The following CDH23 variants were observed in gnomAD, a reference collection of about 807,000 sequenced individuals.
The protein encoded by CDH23 is cadherin-23.
CDH23 carries 189 observed loss-of-function variants against 317.1 expected under a neutral mutation model. That is an observed-to-expected ratio of 0.60 (90% confidence interval 0.53 to 0.67). The LOEUF (loss-of-function observed/expected upper bound fraction) is 0.67, where lower values mean the gene tolerates loss of function less well. Among genes scored for constraint, CDH23 ranks in the 30% least tolerant of loss-of-function variants. CDH23 has a pLI of 0.00. For missense variants in CDH23, 4,401 were observed against 4,592.4 expected (o/e 0.96, Z 1.20); for synonymous variants, 1,839 against 1,876.8 (o/e 0.98, Z 0.52).
chr10:71,402,758 C>T (rs72812364), intron 1 of CDH23, among the ~76,000 whole-genome samples: 315 of 150,862 alleles, frequency 2.1e-3, no homozygotes, highest in Admixed American at 4.5e-3. Flanking sequence ...CGCGCGCGCG[C>T]GCACATGCGC....
chr10:71,585,290 G>A (rs905639195), intron 9 of CDH23, among the ~76,000 whole-genome samples: 26 of 152,296 alleles, frequency 1.7e-4, no homozygotes, highest in African/African-American at 6.0e-4. Context: ...ATATTCATAG[G>A]AAAAGCCTGT....
chr10:71,484,096 G>C lies in CDH23; in HGVS notation c.146-25986G>C, dbSNP rs192521236. 2.1e-3 allele frequency among the ~76,000 whole-genome samples: 320 copies of C among 152,320 alleles called. 1 individual carries two copies. The highest frequency in any genetic ancestry group is 7.5e-3 in the African/African-American group (313 of 41,578). Reference sequence around the variant, plus strand: ...GGTCCCAGGGCCTGTATCTGGATGTGGGGGGTGAGGGCTTGAGGCATGGTG... The same window carrying C: ...GGTCCCAGGGCCTGTATCTGGATGTCGGGGGTGAGGGCTTGAGGCATGGTG... On this transcript the variant is annotated intron_variant, in intron 3 of 69. Coordinates refer to ENST00000224721, the MANE Select transcript of CDH23 (RefSeq NM_022124.6).
At chr10:71,694,072 G>C (rs986300934) in intron 20 of CDH23, 75 bp from the exon 21 acceptor site, 1 of 1,145,616 alleles carries the variant, frequency 8.7e-7, no homozygotes, top group African/African-American at 1.5e-5. Flanking sequence ...TCCTTCCCTC[G>C]CTCTCTCTCT....
intron 61 of CDH23, 65 bp from the exon 62 acceptor site, chr10:71,810,407 G>A: frequency 6.9e-7 from 1 of 1,447,190 alleles, no homozygotes. Context: ...TCCTAAAAGA[G>A]GCCTGCCCAT....
intron 41 of CDH23, among the ~76,000 whole-genome samples, chr10:71,783,189 G>T (rs1450260301): frequency 6.6e-6 from 1 of 152,192 alleles, no homozygotes; most frequent in Non-Finnish European, 1.5e-5. Context: ...CTCTTCTGCA[G>T]GCTCTCCCAG....
At chr10:71,644,314 G>A (rs181650075) in intron 12 of CDH23, among the ~76,000 whole-genome samples, 2 of 152,372 alleles carry the variant, frequency 1.3e-5, no homozygotes, top group Non-Finnish European at 2.9e-5. Flanking sequence ...CCAGTAACAG[G>A]GCACAGGCCT....
chr10:71,780,160 G>T (rs1840914767), intron 41 of CDH23, among the ~76,000 whole-genome samples: 1 of 152,170 alleles, frequency 6.6e-6, no homozygotes, highest in South Asian at 2.1e-4. Context: ...GAAACATCCT[G>T]ATTTTTTAAT....
At chr10:71,535,440 T>C (rs934323248) in intron 6 of CDH23, among the ~76,000 whole-genome samples, 3 of 152,206 alleles carry the variant, frequency 2.0e-5, no homozygotes, top group Non-Finnish European at 4.4e-5. Flanking sequence ...TGAGCCTGAC[T>C]TCCAGGCCTA....
chr10:71,533,078 G>T (rs748733092), intron 6 of CDH23, among the ~76,000 whole-genome samples: 1 of 152,182 alleles, frequency 6.6e-6, no homozygotes, highest in Non-Finnish European at 1.5e-5. Flanking sequence ...ATCTGGCACT[G>T]TGGGTGTGAC....
chr10:71,510,127 C>A lies in CDH23; in HGVS notation c.191C>A (p.Pro64His), dbSNP rs1345696999. 1 of 1,614,024 alleles carries A rather than the reference C, an allele frequency of 6.2e-7. No individual in the cohort carries two copies. Among genetic ancestry groups the A allele is most frequent in the Admixed American group, 1.7e-5 (1 of 60,022 alleles). ...CTGGCCCAAGACATGGACAATGACC[C>A]CCTGGTGTTTGGCGTGTCTGGGGAG... Reference protein sequence around the residue: ...QLLAQDMDNDPLVFGVSGEEA... With the variant: ...QLLAQDMDNDHLVFGVSGEEA... The change falls in exon 4 of 70, where the codon CCC becomes CAC. Residue 64 changes from proline (P) to histidine (H), a missense_variant. By Grantham distance (77) the Pro-to-His change is moderately conservative (BLOSUM62 -2). Transcript: ENST00000224721.
At chr10:71,729,204 T>C (rs1866950230) in intron 30 of CDH23, among the ~76,000 whole-genome samples, 1 of 152,228 alleles carries the variant, frequency 6.6e-6, no homozygotes, top group Non-Finnish European at 1.5e-5. Flanking sequence ...GAGAACTTAG[T>C]GCTGGTAAGC....
Position 71,732,001 on chromosome 10 carries a change from GT to G in CDH23, c.3731del (p.Val1244GlyfsTer25), listed in dbSNP as rs745756703. ...TDRDSGDGGL[V>X]NYRILSGAEG... ...TCCTCCTACAGGGGATGGTGGCCTG[GT>G]GAACTACCGCATCCTGTCGGGCGCA... On this transcript the variant is annotated frameshift_variant, in exon 32 of 70. Coordinates refer to ENST00000224721, the MANE Select transcript of CDH23 (RefSeq NM_022124.6). LOFTEE classifies it high-confidence loss of function. The G allele has an allele frequency of 6.2e-7, 1 of 1,613,662 alleles. No homozygotes were observed. The highest frequency in any genetic ancestry group is 2.2e-5 in the East Asian group (1 of 44,854).
intron 28 of CDH23, among the ~76,000 whole-genome samples, chr10:71,722,368 A>G (rs1229772340): frequency 2.0e-5 from 3 of 152,220 alleles, no homozygotes; most frequent in Admixed American, 1.3e-4. Flanking sequence ...TCAAACAGGG[A>G]GCGAGGCACA....
chr10:71,587,733 G>A (rs142137512), intron 9 of CDH23, among the ~76,000 whole-genome samples: 3 of 152,300 alleles, frequency 2.0e-5, no homozygotes, highest in East Asian at 3.9e-4. Flanking sequence ...CCTGAGACGA[G>A]CCCCTCTAAG....
At chr10:71,439,326 T>C (rs1365078769) in intron 1 of CDH23, among the ~76,000 whole-genome samples, 2 of 152,226 alleles carry the variant, frequency 1.3e-5, no homozygotes, top group African/African-American at 2.4e-5. Flanking sequence ...GATATGCTCA[T>C]TGGGCACTGG....
Position 71,688,959 on chromosome 10 carries a change from G to A in CDH23, c.2059+1240G>A, listed in dbSNP as rs1564733660. Among the ~76,000 whole-genome samples, 17 of 13,538 alleles carry A rather than the reference G, an allele frequency of 1.3e-3. 3 individuals carry two copies. Among genetic ancestry groups the A allele is most frequent in the Non-Finnish European group, 2.4e-3 (13 of 5,352 alleles). The allele number at this position is 13,538 out of a possible 152,430, so 8.9% of individuals were successfully genotyped here. A position where few individuals can be genotyped will look rare whatever the true frequency, so the allele number is the denominator to read the frequency against. The stretch of plus-strand genomic sequence containing the variant: ...GGTGGAGCCAACGGTGGTGGAGTCA[G>A]GGGTGGTGGAGTCCAGGGGTGGTGG... On this transcript the variant is annotated intron_variant, in intron 19 of 69. Coordinates refer to ENST00000224721, the MANE Select transcript of CDH23 (RefSeq NM_022124.6).
At chr10:71,792,839 AAAAAAAAAAAAAAATATATATAT>A (rs913927322) in intron 47 of CDH23, among the ~76,000 whole-genome samples, 6 of 75,376 alleles carry the variant, frequency 8.0e-5, no homozygotes, top group East Asian at 9.8e-4. Context: ...AAAAAAAAAA[AAAAAAAAAAAAAAATATATATAT>A]ATATATATAT....
At chr10:71,421,259 C>T (rs1848802281) in intron 1 of CDH23, among the ~76,000 whole-genome samples, 1 of 152,232 alleles carries the variant, frequency 6.6e-6, no homozygotes, top group Admixed American at 6.5e-5. Flanking sequence ...GGTTCCACTC[C>T]TGCTCCCTGC....
intron 63 of CDH23, 30 bp from the exon 64 acceptor site, chr10:71,811,481 C>A (rs2133001883): frequency 1.2e-6 from 2 of 1,613,982 alleles, no homozygotes; most frequent in Non-Finnish European, 1.7e-6. Context: ...CTCCCCACTG[C>A]CCGGGCTTAC....
Sources: gnomAD v4.1 joint callset for allele counts (sites outside exome capture counted in the v4.1 genomes callset) on GRCh38, gnomAD v4.1.1 for gene constraint, MANE v1.5 for transcripts, NCBI Gene and HGNC (gene_info 2026-07-23, HGNC 2026-07-21) for gene names.